The following TRIT1 variants were observed in gnomAD, a reference collection of about 807,000 sequenced individuals.
TRIT1 encodes the protein tRNA isopentenyltransferase 1, also known as tRNA dimethylallyltransferase.
TRIT1 carries 43 observed loss-of-function variants against 51.2 expected under a neutral mutation model. The ratio of observed to expected loss-of-function variants is 0.84; its 90% CI spans 0.66 to 1.08. TRIT1 has a LOEUF of 1.08. Among genes scored for constraint, TRIT1 ranks in the 50% least tolerant of loss-of-function variants. The pLI, the probability that TRIT1 is intolerant of heterozygous loss-of-function variation, is 0.00. For missense variants in TRIT1, 528 were observed against 578.4 expected (o/e 0.91, Z 0.89); for synonymous variants, 184 against 203.9 (o/e 0.90, Z 0.83).
intron 1 of TRIT1, among the ~76,000 whole-genome samples, chr1:39,876,373 T>C (rs1644052187): frequency 6.6e-6 from 1 of 152,132 alleles, no homozygotes; most frequent in Non-Finnish European, 1.5e-5. Context: ...TCCTTCCTTA[T>C]ATAACACAGA....
At chr1:39,869,672 C>T (rs542194226) in intron 1 of TRIT1, among the ~76,000 whole-genome samples, 19 of 150,770 alleles carry the variant, frequency 1.3e-4, no homozygotes, top group African/African-American at 1.7e-4. Context: ...GTCTCTGCCC[C>T]GCCGCCCACC....
chr1:39,858,520 C>A (rs930528051), intron 1 of TRIT1, among the ~76,000 whole-genome samples: 1 of 152,172 alleles, frequency 6.6e-6, no homozygotes. Context: ...TTTTGCCTGG[C>A]ACATTTTAAG....
chr1:39,883,506 C>T, upstream of TRIT1: 1 of 1,583,444 alleles, frequency 6.3e-7, no homozygotes, highest in Non-Finnish European at 8.6e-7. Context: ...TGGCAGTCTG[C>T]GCTTGCGCCG....
intron 1 of TRIT1, among the ~76,000 whole-genome samples, chr1:39,878,401 G>A (rs1402746517): frequency 6.6e-6 from 1 of 152,216 alleles, no homozygotes; most frequent in African/African-American, 2.4e-5. Context: ...CCCTGTAGGT[G>A]CTGTAGGGTT....
rs137895327 is a variant in TRIT1, at chr1:39,863,844, CA to C, written c.175-6428del. On this transcript the variant is annotated intron_variant, in intron 1 of 10. Transcript: ENST00000316891. Reference sequence around the variant, plus strand: ...AAAAAACAAAAAAAGAAATCCATAACAGAGAACTAGAAGAAGAAAACCAGCA... The same window carrying C: ...AAAAAACAAAAAAAGAAATCCATAACGAGAACTAGAAGAAGAAAACCAGCA... Among the ~76,000 whole-genome samples the C allele has an allele frequency of 7.2e-5, 11 of 151,806 alleles. No homozygotes were observed. In the East Asian group the frequency reaches 2.1e-3, roughly 29 times the overall value.
At chr1:39,880,268 T>TCAA (rs1553148796) in intron 1 of TRIT1, among the ~76,000 whole-genome samples, 1 of 94,890 alleles carries the variant, frequency 1.1e-5, no homozygotes, top group African/African-American at 3.9e-5. Context: ...AGACCTCAAA[T>TCAA]AAAAAAAAAA....
In TRIT1 at chr1:39,839,599, T is replaced by C. The variant is rs11590302; in HGVS notation, c.*2145A>G. Among the ~76,000 whole-genome samples the C allele has an allele frequency of 0.021, 3,216 of 152,352 alleles. 69 individuals carry two copies. Among genetic ancestry groups the C allele is most frequent in the East Asian group, 0.11 (562 of 5,180 alleles). ...CCAGGCAGATTTCTAGTGAGTGTTC[T>C]GCCTTTCCCAGGCTCTTTGCTGCTG... On this transcript the variant is annotated 3_prime_UTR_variant, in exon 11 of 11. Coordinates refer to ENST00000316891, the MANE Select transcript of TRIT1 (RefSeq NM_017646.6).
intron 1 of TRIT1, among the ~76,000 whole-genome samples, chr1:39,872,716 C>T: frequency 7.0e-6 from 1 of 143,276 alleles, no homozygotes; most frequent in East Asian, 2.1e-4. Context: ...CTGAAAGGGA[C>T]TAGAAGCATC....
In TRIT1 at chr1:39,840,483, G is replaced by A. The variant is rs1313900902; in HGVS notation, c.*1261C>T. On this transcript the variant is annotated 3_prime_UTR_variant, in exon 11 of 11. Transcript: ENST00000316891. ...AACTGAAATTCTACACAGCTCTTAC[G>A]GCCTTTGATACTGTCTTGCCTGGAT... Among the ~76,000 whole-genome samples the A allele has an allele frequency of 1.3e-5, 2 of 152,008 alleles. No individual in the cohort carries two copies. Among genetic ancestry groups the A allele is most frequent in the East Asian group, 1.9e-4 (1 of 5,194 alleles).
chr1:39,847,803 C>T, intron 6 of TRIT1, 143 bp from the exon 7 acceptor site: 1 of 1,482,052 alleles, frequency 6.7e-7, no homozygotes, highest in East Asian at 2.4e-5. Context: ...GAAATTTTCC[C>T]CTCCCCTACC....
chr1:39,857,677 T>G (rs1642979762), intron 1 of TRIT1, among the ~76,000 whole-genome samples: 1 of 152,202 alleles, frequency 6.6e-6, no homozygotes. Flanking sequence ...TGTAAATACA[T>G]GCCCAGAATT....
At chr1:39,849,810 C>A (rs189875560) in intron 5 of TRIT1, among the ~76,000 whole-genome samples, 16 of 152,334 alleles carry the variant, frequency 1.1e-4, no homozygotes, top group African/African-American at 2.9e-4. Context: ...CCACAAGAGA[C>A]TGCCTTCTTT....
chr1:39,865,394 A>G (rs1288557854), intron 1 of TRIT1, among the ~76,000 whole-genome samples: 4 of 152,256 alleles, frequency 2.6e-5, no homozygotes, highest in African/African-American at 9.6e-5. Context: ...GGTGACACCC[A>G]TGGCTTCTAC....
Position 39,867,482 on chromosome 1 carries a change from C to T in TRIT1, c.175-10065G>A, listed in dbSNP as rs970439110. On this transcript the variant is annotated intron_variant, in intron 1 of 10. Coordinates refer to ENST00000316891, the MANE Select transcript of TRIT1 (RefSeq NM_017646.6). ...TTCAAACTGAGATGTGTATAACATACATGTGATACATTCTTCTGAAGTATC... is the reference window on the plus strand; with the variant it reads ...TTCAAACTGAGATGTGTATAACATATATGTGATACATTCTTCTGAAGTATC... Among the ~76,000 whole-genome samples, 6 of 152,002 alleles carry T rather than the reference C, an allele frequency of 3.9e-5. No individual in the cohort carries two copies. In the South Asian group the frequency reaches 1.2e-3, roughly 32 times the overall value.
chr1:39,850,098 AGG>A lies in TRIT1; in HGVS notation c.703+19_703+20del, dbSNP rs1642474168. 1 of 1,613,766 alleles carries A rather than the reference AGG, an allele frequency of 6.2e-7. No individual in the cohort carries two copies. Among genetic ancestry groups the A allele is most frequent in the Admixed American group, 1.7e-5 (1 of 59,960 alleles). On this transcript the variant is annotated intron_variant, in intron 5 of 10. Transcript: ENST00000316891. ...CCAAGTTCCATCACAGATGGACTCT[AGG>A]GCATCAAAGGGCTGTTACCTGCCTG... is the stretch of plus-strand genomic sequence containing the variant.
rs1014902538 is a variant in TRIT1, at chr1:39,864,177, C to T, written c.175-6760G>A. ...CTGGGATTACAGGTATGAGCCACTG[C>T]ACCCAGCCAGAAACATTTTTGATTG... On this transcript the variant is annotated intron_variant, in intron 1 of 10. Transcript: ENST00000316891. Among the ~76,000 whole-genome samples, 9 of 151,794 alleles carry T rather than the reference C, an allele frequency of 5.9e-5. No individual in the cohort carries two copies. The East Asian group carries it at 9.8e-4, about 16-fold the overall frequency.
intron 1 of TRIT1, among the ~76,000 whole-genome samples, chr1:39,860,535 A>G (rs1224602897): frequency 6.6e-6 from 1 of 152,198 alleles, no homozygotes; most frequent in Non-Finnish European, 1.5e-5. Flanking sequence ...AGGAAACCAA[A>G]ACACTTCTGG....
rs1204347463 is a variant in TRIT1 at position 39,848,096 on chromosome 1, A to G, written c.705T>C (p.Val235=). 1.9e-6 allele frequency: 3 copies of G among 1,613,592 alleles called. No homozygotes were observed. Among genetic ancestry groups the G allele is most frequent in the Non-Finnish European group, 2.5e-6 (3 of 1,179,656 alleles). ...CCCTCTTATCCAAGCGCTCATCTAG[A>G]ACTTGAATCAAATTAGCCCATCAAC... ...CILWLHADQA[V]LDERLDKRVD... Residue 235 remains valine (V), a splice_region_variant and synonymous_variant, in exon 6 of 11, where the codon GTT becomes GTC. Coordinates refer to ENST00000316891, the MANE Select transcript of TRIT1 (RefSeq NM_017646.6).
intron 10 of TRIT1, 116 bp downstream of exon 10, chr1:39,843,985 G>T (rs992990660): frequency 4.5e-6 from 3 of 669,440 alleles, no homozygotes; most frequent in Non-Finnish European, 7.7e-6. Flanking sequence ...GAGGAATCTA[G>T]CTGTCCCTTT....
Sources: gnomAD v4.1 joint callset for allele counts (sites outside exome capture counted in the v4.1 genomes callset) on GRCh38, gnomAD v4.1.1 for gene constraint, MANE v1.5 for transcripts, NCBI Gene and HGNC (gene_info 2026-07-23, HGNC 2026-07-21) for gene names.